The following GRIK2 variants were observed in gnomAD, a reference collection of about 807,000 sequenced individuals.
GRIK2 encodes glutamate ionotropic receptor kainate type subunit 2, also known as glutamate receptor ionotropic, kainate 2.
In GRIK2, 32 loss-of-function variants were observed where a neutral mutation model predicts 100.3. That is an observed-to-expected ratio of 0.32 (90% CI 0.24 to 0.43). GRIK2 has a LOEUF of 0.43. GRIK2 is among the 20% of genes least tolerant of loss of function. GRIK2 has a pLI of 1.00. For missense variants in GRIK2, 843 were observed against 1,114.9 expected (o/e 0.76, Z 3.47); for synonymous variants, 417 against 389.4 (o/e 1.07, Z -0.83).
chr6:101,816,916 G>T (rs1227770629), intron 9 of GRIK2, among the ~76,000 whole-genome samples: 1 of 152,032 alleles, frequency 6.6e-6, no homozygotes, highest in Non-Finnish European at 1.5e-5. Context: ...TTGGGATTGT[G>T]GCCCCTCCTT....
At chr6:101,833,753 G>A (rs1176167361) in intron 10 of GRIK2, among the ~76,000 whole-genome samples, 2 of 152,016 alleles carry the variant, frequency 1.3e-5, no homozygotes, top group African/African-American at 2.4e-5. Flanking sequence ...TATTGGTAAT[G>A]GTTAAAAAAT....
chr6:101,729,376 A>T (rs948399775), intron 7 of GRIK2, among the ~76,000 whole-genome samples: 1 of 152,004 alleles, frequency 6.6e-6, no homozygotes, highest in African/African-American at 2.4e-5. Flanking sequence ...ATGCAGATTT[A>T]TACAAAGCTT....
intron 12 of GRIK2, among the ~76,000 whole-genome samples, chr6:101,921,267 T>A (rs543394973): frequency 1.5e-3 from 126 of 83,148 alleles, no homozygotes; most frequent in Non-Finnish European, 2.6e-3. Context: ...AGATAAGAAA[T>A]GTAATAAAAG....
chr6:101,725,400 G>A (rs1208911761), intron 7 of GRIK2, among the ~76,000 whole-genome samples: 2 of 151,968 alleles, frequency 1.3e-5, no homozygotes, highest in Non-Finnish European at 2.9e-5. Context: ...TACCTCCACT[G>A]AATCTGAATT....
chr6:101,996,452 G>C (rs564755552), intron 14 of GRIK2, among the ~76,000 whole-genome samples: 1 of 152,026 alleles, frequency 6.6e-6, no homozygotes, highest in South Asian at 2.1e-4. Flanking sequence ...TACTTTTACA[G>C]ATAACCAAAA....
intron 14 of GRIK2, among the ~76,000 whole-genome samples, chr6:101,975,262 T>G (rs186873235): frequency 6.6e-6 from 1 of 151,944 alleles, no homozygotes; most frequent in African/African-American, 2.4e-5. Context: ...AGGTTTGGTG[T>G]TGTTAACTCA....
At chr6:101,582,251 C>T (rs1049232493) in intron 2 of GRIK2, among the ~76,000 whole-genome samples, 2 of 151,862 alleles carry the variant, frequency 1.3e-5, no homozygotes, top group South Asian at 2.1e-4. Context: ...CAACAGGCCC[C>T]GGTATGTTCC....
intron 2 of GRIK2, among the ~76,000 whole-genome samples, chr6:101,522,922 G>A (rs1774950132): frequency 6.7e-6 from 1 of 149,974 alleles, no homozygotes; most frequent in South Asian, 2.1e-4. Flanking sequence ...ATATATATGT[G>A]TTATATATTT....
chr6:101,565,643 A>G (rs1777219762), intron 2 of GRIK2, among the ~76,000 whole-genome samples: 1 of 151,906 alleles, frequency 6.6e-6, no homozygotes, highest in Admixed American at 6.6e-5. Flanking sequence ...ATAAATATTT[A>G]CTACTTTATT....
chr6:101,672,034 A>G (rs535440284), intron 4 of GRIK2, among the ~76,000 whole-genome samples: 10 of 152,206 alleles, frequency 6.6e-5, no homozygotes, highest in South Asian at 2.1e-4. Flanking sequence ...CTGATGATCG[A>G]TTAGAGAGGG....
At chr6:101,639,543 T>C (rs1781184925) in intron 4 of GRIK2, among the ~76,000 whole-genome samples, 1 of 152,116 alleles carries the variant, frequency 6.6e-6, no homozygotes, top group Non-Finnish European at 1.5e-5. Flanking sequence ...ACATAAAAAT[T>C]GAGTGCCACT....
chr6:101,462,968 T>C (rs890013858), intron 2 of GRIK2, among the ~76,000 whole-genome samples: 3 of 152,204 alleles, frequency 2.0e-5, no homozygotes, highest in African/African-American at 4.8e-5. Context: ...GGAAGAGATA[T>C]AATGTTGAAG....
intron 12 of GRIK2, among the ~76,000 whole-genome samples, chr6:101,898,987 G>C (rs1787663205): frequency 1.3e-5 from 2 of 151,556 alleles, no homozygotes; most frequent in South Asian, 4.2e-4. Flanking sequence ...CACCTTAATT[G>C]CTATAATTTT....
chr6:101,420,862 A>T (rs573525796), intron 2 of GRIK2, among the ~76,000 whole-genome samples: 2 of 152,258 alleles, frequency 1.3e-5, no homozygotes, highest in East Asian at 3.9e-4. Context: ...AAAGAATGAA[A>T]TGTTTAGAGG....
chr6:101,676,595 CT>C (rs2243351), intron 4 of GRIK2, 27 bp from the exon 5 acceptor site: 100,762 of 926,348 alleles, frequency 0.11, 2,011 homozygotes, highest in African/African-American at 0.29. Context: ...CTCTAATATT[CT>C]TTTTTTTTTT....
chr6:101,728,260 A>G (rs986411088), intron 7 of GRIK2, among the ~76,000 whole-genome samples: 1 of 152,116 alleles, frequency 6.6e-6, no homozygotes, highest in Non-Finnish European at 1.5e-5. Context: ...AATTTGAGTC[A>G]GAAAACTGAC....
Position 101,636,206 on chromosome 6 carries a change from A to G in GRIK2, c.541+9569A>G, listed in dbSNP as rs541099025. Among the ~76,000 whole-genome samples, 12 of 152,318 alleles carry G rather than the reference A, an allele frequency of 7.9e-5. No individual in the cohort carries two copies. The South Asian group carries it at 1.5e-3, about 18-fold the overall frequency. On this transcript the variant is annotated intron_variant, in intron 4 of 16. Transcript: ENST00000369134. ...ATGAGTTCATGTCCTTTGCAGGGTC[A>G]TAGATGAAGCTGGAAACCATCATTC...
chr6:101,740,605 T>C (rs1206276049), intron 7 of GRIK2, among the ~76,000 whole-genome samples: 1 of 152,174 alleles, frequency 6.6e-6, no homozygotes, highest in African/African-American at 2.4e-5. Context: ...TGTGTTTTTA[T>C]AAAGGAATAC....
At chr6:101,502,569 T>A (rs1773815232) in intron 2 of GRIK2, among the ~76,000 whole-genome samples, 1 of 152,174 alleles carries the variant, frequency 6.6e-6, no homozygotes, top group South Asian at 2.1e-4. Context: ...ATATATGTAA[T>A]TGCATTATAT....
Sources: gnomAD v4.1 joint callset for allele counts (sites outside exome capture counted in the v4.1 genomes callset) on GRCh38, gnomAD v4.1.1 for gene constraint, MANE v1.5 for transcripts, NCBI Gene and HGNC (gene_info 2026-07-23, HGNC 2026-07-21) for gene names.